MOBP: variants seen among roughly 807,000 people sequenced by gnomAD.
MOBP encodes the protein myelin-associated oligodendrocyte basic protein.
Under a neutral mutation model 15.0 loss-of-function variants are expected in MOBP, and 5 were observed. The ratio of observed to expected loss-of-function variants is 0.33; its 90% CI spans 0.17 to 0.70. MOBP has a LOEUF of 0.70. MOBP is among the 30% of genes least tolerant of loss of function. The pLI, the probability that MOBP is intolerant of heterozygous loss-of-function variation, is 0.67. For missense variants in MOBP, 188 were observed against 257.8 expected, an observed-to-expected ratio of 0.73 and a Z score of 1.85; for synonymous variants, 88 against 99.0, an observed-to-expected ratio of 0.89 and a Z score of 0.66.
At chr3:39,480,322 A>T (rs920257386) in intron 2 of MOBP, among the ~76,000 whole-genome samples, 199 bp downstream of exon 2, 2 of 152,310 alleles carry the variant, frequency 1.3e-5, no homozygotes, top group African/African-American at 4.8e-5. Context: ...ATATAAAAAA[A>T]AATTTTCTCT....
At chr3:39,526,516 A>G (rs764738793), downstream of MOBP, 10 of 152,198 alleles carry the variant, frequency 6.6e-5, no homozygotes, top group Non-Finnish European at 1.3e-4. Context: ...CAAAAATTAC[A>G]TAAAGCTCCA....
chr3:39,506,465 C>T (rs542817112), downstream of MOBP, among the ~76,000 whole-genome samples: 45 of 150,254 alleles, frequency 3.0e-4, no homozygotes, highest in East Asian at 5.8e-3. Flanking sequence ...AGGGAAAGAG[C>T]CAATTAAAAA....
intron 1 of MOBP, among the ~76,000 whole-genome samples, chr3:39,468,970 G>GTA (rs1449501289): frequency 1.0e-5 from 1 of 99,358 alleles, no homozygotes; most frequent in Non-Finnish European, 1.9e-5. Flanking sequence ...ATATGTGTGT[G>GTA]TATATATACA....
chr3:39,520,796 C>T (rs978163720), downstream of MOBP, among the ~76,000 whole-genome samples: 1 of 152,090 alleles, frequency 6.6e-6, no homozygotes, highest in African/African-American at 2.4e-5. Context: ...ATGGTCTTTG[C>T]CCATGCAAGA....
chr3:39,472,242 G>A (rs1267369561), intron 1 of MOBP, among the ~76,000 whole-genome samples: 1 of 151,804 alleles, frequency 6.6e-6, no homozygotes, highest in Non-Finnish European at 1.5e-5. Flanking sequence ...TTTTGTTTTT[G>A]TTTTCATTTT....
chr3:39,520,951 T>C (rs2043259218), downstream of MOBP, among the ~76,000 whole-genome samples: 1 of 151,780 alleles, frequency 6.6e-6, no homozygotes, highest in Admixed American at 6.6e-5. Context: ...CTATATTCTT[T>C]TTTTTTTTTC....
chr3:39,496,407 G>A, intron 2 of MOBP, among the ~76,000 whole-genome samples: 1 of 151,702 alleles, frequency 6.6e-6, no homozygotes, highest in Non-Finnish European at 1.5e-5. Flanking sequence ...CACCGTGTTA[G>A]CCAGGATGGT....
chr3:39,514,261 A>G (rs1056482915), exon 5 of MOBP: 2 of 152,112 alleles, frequency 1.3e-5, no homozygotes, highest in Non-Finnish European at 2.9e-5. Context: ...GAACTATCCC[A>G]ACTCTAGAAT....
At chr3:39,499,842 T>C (rs1175460341) in intron 2 of MOBP, 2 of 349,360 alleles carry the variant, frequency 5.7e-6, no homozygotes, top group African/African-American at 2.2e-5. Flanking sequence ...TCGGGGGTAA[T>C]GCAATTCACT....
chr3:39,475,443 C>A (rs2042532336), intron 1 of MOBP, among the ~76,000 whole-genome samples: 1 of 152,042 alleles, frequency 6.6e-6, no homozygotes, highest in Non-Finnish European at 1.5e-5. Context: ...ACACTTTCAC[C>A]TACTAATTTT....
At chr3:39,470,272 G>T (rs2042450892) in intron 1 of MOBP, among the ~76,000 whole-genome samples, 1 of 152,180 alleles carries the variant, frequency 6.6e-6, no homozygotes. Context: ...CCCATATTGA[G>T]GGACAACTAG....
rs754427876 is a variant in MOBP, at chr3:39,502,051, A to G, written c.-4-15A>G. The stretch of plus-strand genomic sequence containing the variant: ...TTTATGTCTCCTCCTGTCTCCTTGC[A>G]TCGGCGATTTCCAGTGAGATGAGTC... On this transcript the variant is annotated splice_polypyrimidine_tract_variant and intron_variant, in intron 2 of 3. Transcript: ENST00000684792. This position sits in a 1 kb window ranked among gnomAD's most constrained non-coding sequence, Gnocchi z 6.3. The G allele has an allele frequency of 1.1e-5, 17 of 1,611,696 alleles. No individual in the cohort carries two copies. The highest frequency in any genetic ancestry group is 1.7e-5 in the Admixed American group (1 of 59,968).
At chr3:39,496,262 G>C (rs540164535) in intron 2 of MOBP, among the ~76,000 whole-genome samples, 1 of 140,164 alleles carries the variant, frequency 7.1e-6, no homozygotes, top group Non-Finnish European at 1.5e-5. Context: ...GCAGTGGCCC[G>C]ATCTCGGCTC....
downstream of MOBP, among the ~76,000 whole-genome samples, chr3:39,505,191 G>A (rs2043032783): frequency 6.6e-6 from 1 of 152,132 alleles, no homozygotes; most frequent in Non-Finnish European, 1.5e-5. Context: ...TGGTTTCAGT[G>A]TTCTGCTTTT....
chr3:39,508,838 C>T (rs896419818), intron 4 of MOBP, among the ~76,000 whole-genome samples: 7 of 152,046 alleles, frequency 4.6e-5, no homozygotes, highest in Admixed American at 2.0e-4. Flanking sequence ...TAAGCCACCG[C>T]GCCTGGCCCC....
intron 2 of MOBP, among the ~76,000 whole-genome samples, chr3:39,496,839 A>G (rs1055868567): frequency 3.9e-5 from 6 of 151,950 alleles, no homozygotes; most frequent in Non-Finnish European, 7.4e-5. Flanking sequence ...AATTTTGTAT[A>G]AAAAGTAGAG....
At chr3:39,520,506 A>G (rs1004076705), downstream of MOBP, among the ~76,000 whole-genome samples, 2 of 151,418 alleles carry the variant, frequency 1.3e-5, no homozygotes, top group Non-Finnish European at 2.9e-5. Context: ...AGGAGGGAAC[A>G]TCTGGTACCA....
At chr3:39,506,929 C>T (rs1768254), downstream of MOBP, among the ~76,000 whole-genome samples, 31,445 of 152,042 alleles carry the variant, frequency 0.21, 3,315 homozygotes, top group Middle Eastern at 0.25. Context: ...TTCTCTCATT[C>T]AGTCTTTAAA....
At chr3:39,517,473 C>A (rs1407762355), downstream of MOBP, among the ~76,000 whole-genome samples, 2 of 152,110 alleles carry the variant, frequency 1.3e-5, no homozygotes, top group Non-Finnish European at 2.9e-5. Context: ...GGACTCCAGG[C>A]CACACCTTCA....
Sources: allele counts gnomAD v4.1 joint callset (sites outside exome capture counted in the v4.1 genomes callset), GRCh38; gene constraint gnomAD v4.1.1; non-coding constraint Gnocchi (gnomAD v3.1); transcripts MANE v1.5; gene names NCBI Gene and HGNC (gene_info 2026-07-23, HGNC 2026-07-21).